Variants in PLXNA4 observed in about 807,000 individuals in gnomAD.
PLXNA4 encodes plexin A4.
In PLXNA4, 44 loss-of-function variants were observed where a neutral mutation model predicts 191.8. The ratio of observed to expected loss-of-function variants is 0.23; its 90% CI spans 0.18 to 0.29. The LOEUF is 0.29. Ranked by LOEUF, PLXNA4 falls within the 10% of genes least tolerant of loss-of-function variation. The pLI is 1.00. For missense variants in PLXNA4, 1,800 were observed against 2,488.8 expected (o/e 0.72, Z 5.89); for synonymous variants, 1,082 against 1,009.5 (o/e 1.07, Z -1.36).
chr7:132,598,044 C>A (rs1335668968), intron 2 of PLXNA4, among the ~76,000 whole-genome samples: 6 of 152,138 alleles, frequency 3.9e-5, no homozygotes, highest in African/African-American at 1.2e-4. Flanking sequence ...ATATGGTTAA[C>A]AAATATGTGT....
chr7:132,593,631 G>A (rs1021751204), intron 2 of PLXNA4, among the ~76,000 whole-genome samples: 1 of 152,206 alleles, frequency 6.6e-6, no homozygotes, highest in Non-Finnish European at 1.5e-5. Context: ...TGGCCTCCAC[G>A]TCGTGCCATC....
chr7:132,286,490 T>A (rs960825183), intron 4 of PLXNA4, among the ~76,000 whole-genome samples: 4 of 152,008 alleles, frequency 2.6e-5, no homozygotes, highest in African/African-American at 9.7e-5. Context: ...CTTAATGGAG[T>A]TCAGGATTAG....
intron 9 of PLXNA4, among the ~76,000 whole-genome samples, chr7:132,219,964 A>G (rs1158016720): frequency 6.6e-6 from 1 of 152,242 alleles, no homozygotes; most frequent in Non-Finnish European, 1.5e-5. Flanking sequence ...ATAGGTCTGC[A>G]TAAGTACACC....
At chr7:132,562,985 T>TCCCTCCTCCTCCTCTCCCTCCTCCTCCTC (rs1563175152) in intron 1 of PLXNA4, among the ~76,000 whole-genome samples, 2 of 7,594 alleles carry the variant, frequency 2.6e-4, no homozygotes, top group African/African-American at 3.9e-4. Flanking sequence ...TCCTCCTCCT[T>TCCCTCCTCCTCCTCTCCCTCCTCCTCCTC]CTCCTCCTCC....
chr7:132,238,820 G>A (rs962229957), intron 5 of PLXNA4, among the ~76,000 whole-genome samples: 6 of 152,102 alleles, frequency 3.9e-5, no homozygotes, highest in Non-Finnish European at 8.8e-5. Flanking sequence ...CAAGAGGGGG[G>A]GGGGCACCCA....
intron 2 of PLXNA4, among the ~76,000 whole-genome samples, chr7:132,638,259 C>T (rs1803648234): frequency 6.6e-6 from 1 of 152,126 alleles, no homozygotes; most frequent in South Asian, 2.1e-4. Flanking sequence ...TCCCTGCTTA[C>T]CCCATGAGGT....
At chr7:132,403,971 A>T (rs2117053688) in intron 3 of PLXNA4, among the ~76,000 whole-genome samples, 1 of 152,310 alleles carries the variant, frequency 6.6e-6, no homozygotes, top group East Asian at 1.9e-4. Context: ...GCAACAGGGA[A>T]GGTCAGAGCC....
intron 3 of PLXNA4, among the ~76,000 whole-genome samples, chr7:132,387,907 G>A (rs1805224882): frequency 6.6e-6 from 1 of 152,058 alleles, no homozygotes; most frequent in Non-Finnish European, 1.5e-5. Flanking sequence ...TCTGAACCCT[G>A]CTCTGTCTCC....
intron 2 of PLXNA4, among the ~76,000 whole-genome samples, chr7:132,603,678 T>C (rs994716623): frequency 6.6e-6 from 1 of 152,200 alleles, no homozygotes; most frequent in Admixed American, 6.5e-5. Context: ...TCATACAGCA[T>C]GCAAAAGGGC....
intron 3 of PLXNA4, among the ~76,000 whole-genome samples, chr7:132,372,353 C>G (rs1156402236): frequency 6.6e-6 from 1 of 152,266 alleles, no homozygotes; most frequent in African/African-American, 2.4e-5. Context: ...TTCAGTATCA[C>G]CACACAGATC....
chr7:132,546,370 G>T (rs901046713), intron 1 of PLXNA4, among the ~76,000 whole-genome samples: 1 of 152,160 alleles, frequency 6.6e-6, no homozygotes, highest in African/African-American at 2.4e-5. Context: ...GGTTAAATAT[G>T]CTACCCTGTT....
intron 3 of PLXNA4, among the ~76,000 whole-genome samples, chr7:132,474,739 C>A (rs1427105503): frequency 6.6e-6 from 1 of 152,204 alleles, no homozygotes. Flanking sequence ...CCTCTGGAGA[C>A]CTTCCCCTCC....
At chr7:132,380,441 G>C (rs1386057746) in intron 3 of PLXNA4, among the ~76,000 whole-genome samples, 2 of 150,768 alleles carry the variant, frequency 1.3e-5, no homozygotes, top group African/African-American at 4.9e-5. Context: ...TGGAATCAGA[G>C]AACCCGCCCA....
At chr7:132,563,790 CCTT>C (rs1563176876) in intron 1 of PLXNA4, among the ~76,000 whole-genome samples, 3 of 50,074 alleles carry the variant, frequency 6.0e-5, no homozygotes, top group Non-Finnish European at 1.0e-4. Context: ...TCTTCCTCCT[CCTT>C]CTCCTCCTCC....
chr7:132,510,032 G>A (rs1161919184), intron 1 of PLXNA4, among the ~76,000 whole-genome samples: 7 of 152,278 alleles, frequency 4.6e-5, no homozygotes, highest in Admixed American at 2.6e-4. Flanking sequence ...AAAACTCCCC[G>A]AGGAACAAGA....
chr7:132,548,582 T>C (rs961904970), intron 1 of PLXNA4, among the ~76,000 whole-genome samples: 14 of 152,202 alleles, frequency 9.2e-5, no homozygotes, highest in African/African-American at 3.1e-4. Context: ...AGACCAAGGA[T>C]TCTCCTAAAC....
chr7:132,478,741 A>G (rs1797221549), intron 3 of PLXNA4, among the ~76,000 whole-genome samples: 1 of 152,194 alleles, frequency 6.6e-6, no homozygotes, highest in Admixed American at 6.5e-5. Context: ...TTTTGGATGC[A>G]ATGATGAGGG....
intron 1 of PLXNA4, among the ~76,000 whole-genome samples, chr7:132,563,532 T>TCCTCCTCCTCC: frequency 3.2e-5 from 1 of 31,106 alleles, no homozygotes; most frequent in African/African-American, 9.0e-5. Flanking sequence ...CCTCCTCCTC[T>TCCTCCTCCTCC]TTCTCCTCCT....
At chr7:132,328,277 T>G (rs1240044072) in intron 3 of PLXNA4, among the ~76,000 whole-genome samples, 1 of 152,130 alleles carries the variant, frequency 6.6e-6, no homozygotes, top group Admixed American at 6.5e-5. Context: ...AGCAGAAGCC[T>G]GTTCTCCATG....
Sources: allele counts gnomAD v4.1 joint callset (sites outside exome capture counted in the v4.1 genomes callset), GRCh38; gene constraint gnomAD v4.1.1; transcripts MANE v1.5; gene names NCBI Gene and HGNC (gene_info 2026-07-23, HGNC 2026-07-21).